The following MPDZ variants were observed in gnomAD, a reference collection of about 807,000 sequenced individuals.
MPDZ encodes multiple PDZ domain protein.
In MPDZ, 234 loss-of-function variants were observed where a neutral mutation model predicts 239.1. The ratio of observed to expected loss-of-function variants is 0.98; its 90% CI spans 0.88 to 1.09. The LOEUF is 1.09. Among genes scored for constraint, MPDZ ranks in the 50% least tolerant of loss-of-function variants. The probability of loss-of-function intolerance (pLI) is 0.00; values close to 1 mark genes in which losing one functional copy is unlikely to be tolerated. For synonymous variants in MPDZ, 1,048 were observed against 881.3 expected (o/e 1.19, Z -3.35); for missense variants, 3,175 against 2,510.0 (o/e 1.26, Z -5.66).
chr9:13,165,195 G>A (rs771804559), intron 22 of MPDZ, among the ~76,000 whole-genome samples: 3 of 152,098 alleles, frequency 2.0e-5, no homozygotes, highest in Non-Finnish European at 4.4e-5. Flanking sequence ...CAATCTCATA[G>A]CTCTGTTGGA....
At chr9:13,165,319 A>G in intron 22 of MPDZ, 1 of 1,532,852 alleles carries the variant, frequency 6.5e-7, no homozygotes. Context: ...TTTCACAGAC[A>G]AGTTGTAACA....
chr9:13,215,327 A>G (rs1433908154), intron 10 of MPDZ, among the ~76,000 whole-genome samples: 1 of 151,188 alleles, frequency 6.6e-6, no homozygotes, highest in Non-Finnish European at 1.5e-5. Flanking sequence ...ATTCTATTGG[A>G]TATATATATA....
intron 24 of MPDZ, among the ~76,000 whole-genome samples, chr9:13,151,352 T>G (rs1165271522): frequency 6.6e-6 from 1 of 152,066 alleles, no homozygotes; most frequent in Non-Finnish European, 1.5e-5. Flanking sequence ...AAAGAAATAT[T>G]TATACACCCA....
chr9:13,147,004 A>T (rs892279134), intron 26 of MPDZ, among the ~76,000 whole-genome samples: 4 of 152,160 alleles, frequency 2.6e-5, no homozygotes, highest in East Asian at 1.9e-4. Flanking sequence ...CTATACAGTG[A>T]TGTGGCTAGA....
At chr9:13,108,615 C>A (rs1941885279) in intron 46 of MPDZ, among the ~76,000 whole-genome samples, 1 of 151,862 alleles carries the variant, frequency 6.6e-6, no homozygotes, top group Non-Finnish European at 1.5e-5. Context: ...TTTAAAATGT[C>A]CCATTTTCAA....
intron 3 of MPDZ, among the ~76,000 whole-genome samples, chr9:13,244,270 A>G (rs1023078467): frequency 9.2e-5 from 14 of 152,186 alleles, no homozygotes; most frequent in Admixed American, 2.6e-4. Context: ...ACAAGTTTCT[A>G]TTATTAAACT....
chr9:13,269,901 C>T (rs1405060866), intron 1 of MPDZ, among the ~76,000 whole-genome samples: 1 of 152,150 alleles, frequency 6.6e-6, no homozygotes, highest in African/African-American at 2.4e-5. Flanking sequence ...CCTATCTGAA[C>T]ACGTACCTTA....
intron 24 of MPDZ, among the ~76,000 whole-genome samples, chr9:13,155,837 T>C (rs1216093255): frequency 6.6e-6 from 1 of 152,198 alleles, no homozygotes; most frequent in East Asian, 1.9e-4. Flanking sequence ...CCCCTAGAAG[T>C]AGCTTAGTGA....
intron 32 of MPDZ, among the ~76,000 whole-genome samples, chr9:13,131,783 T>C (rs1331956249): frequency 6.6e-6 from 1 of 152,154 alleles, no homozygotes; most frequent in African/African-American, 2.4e-5. Flanking sequence ...AAGTATTTCT[T>C]TCTGATAAAC....
chr9:13,208,224 G>C (rs568635323), intron 10 of MPDZ, among the ~76,000 whole-genome samples: 5 of 152,264 alleles, frequency 3.3e-5, no homozygotes, highest in Non-Finnish European at 7.4e-5. Context: ...CAGAAGGACT[G>C]CTTGAGCCCA....
intron 30 of MPDZ, among the ~76,000 whole-genome samples, 198 bp downstream of exon 30, chr9:13,136,514 G>A (rs1052539550): frequency 6.0e-5 from 9 of 151,260 alleles, no homozygotes; most frequent in South Asian, 4.2e-4. Flanking sequence ...TTTTAGTAGA[G>A]ACGGGATTTC....
Position 13,168,471 on chromosome 9 carries a change from A to C in MPDZ, c.3149T>G (p.Ile1050Ser). The C allele has an allele frequency of 6.2e-7, 1 of 1,613,556 alleles. No individual in the cohort carries two copies. The highest frequency in any genetic ancestry group is 1.1e-5 in the South Asian group (1 of 91,056). Residue 1050 changes from isoleucine to serine, a missense_variant, in exon 22 of 47, where the codon ATT becomes AGT. By Grantham distance (142) the Ile-to-Ser change is moderately radical (BLOSUM62 -2). Transcript: ENST00000319217. ...ATTAATGGACAAGATGCAGTCCCCAATGGCAATCCGGCCATCTCGACTAAT... is the reference window on the plus strand; with the variant it reads ...ATTAATGGACAAGATGCAGTCCCCACTGGCAATCCGGCCATCTCGACTAAT... The part of the protein sequence containing the change: ...GAISRDGRIA[I>S]GDCILSINEE...
At chr9:13,178,845 G>C (rs925630326) in intron 19 of MPDZ, among the ~76,000 whole-genome samples, 2 of 152,132 alleles carry the variant, frequency 1.3e-5, no homozygotes, top group Non-Finnish European at 2.9e-5. Context: ...AACCAAATTT[G>C]TCATTCTCTT....
At chr9:13,243,780 G>C (rs1965969852) in intron 3 of MPDZ, among the ~76,000 whole-genome samples, 1 of 152,138 alleles carries the variant, frequency 6.6e-6, no homozygotes, top group Middle Eastern at 3.2e-3. Context: ...TACGCATCTA[G>C]ATGATATATG....
chr9:13,158,098 T>C lies in MPDZ; in HGVS notation c.3372A>G (p.Glu1124=), dbSNP rs1156998001. 2 of 1,612,478 alleles carry C rather than the reference T, an allele frequency of 1.2e-6. No individual in the cohort carries two copies. The highest frequency in any genetic ancestry group is 2.7e-5 in the African/African-American group (2 of 74,892). The change falls in exon 24 of 47, where the codon GAA becomes GAG. Residue 1124 remains glutamate (E), a synonymous_variant. Transcript: ENST00000319217. ...FSSYTGRDIP[E]LPEREEGEGE... is the part of the protein sequence containing the mutation. ...CCTCTCCCTCTTCTCGCTCTGGTAA[T>C]TCTGGAATGTCTCTGGTTAAAGAAT...
Position 13,156,155 on chromosome 9 carries a change from A to C in MPDZ, c.3452+1863T>G, listed in dbSNP as rs1246104336. On this transcript the variant is annotated intron_variant, in intron 24 of 46. Transcript: ENST00000319217. The stretch of plus-strand genomic sequence containing the variant: ...GGCACTCTGCTAAGGATTTTAGATG[A>C]CACTGAATTTTCCCCCAAATTCAAA... Among the ~76,000 whole-genome samples, 3 of 152,206 alleles carry C rather than the reference A, an allele frequency of 2.0e-5. No individual in the cohort carries two copies. In the East Asian group the frequency reaches 5.8e-4, roughly 29 times the overall value.
At chr9:13,152,506 C>T (rs1949307572) in intron 24 of MPDZ, among the ~76,000 whole-genome samples, 1 of 152,012 alleles carries the variant, frequency 6.6e-6, no homozygotes, top group Non-Finnish European at 1.5e-5. Flanking sequence ...TGTCTGCCAC[C>T]ATGTGAGATG....
chr9:13,168,454 A>C lies in MPDZ; in HGVS notation c.3166T>G (p.Ser1056Ala). 1 of 1,613,544 alleles carries C rather than the reference A, an allele frequency of 6.2e-7. No individual in the cohort carries two copies. Among genetic ancestry groups the C allele is most frequent in the South Asian group, 1.1e-5 (1 of 91,050 alleles). The stretch of plus-strand genomic sequence containing the variant: ...CTGATGGTAGACTCTTCATTAATGG[A>C]CAAGATGCAGTCCCCAATGGCAATC... ...GRIAIGDCIL[S>A]INEESTISVT... Residue 1056 changes from serine to alanine, a missense_variant, in exon 22 of 47, where the codon TCC (serine) becomes GCC (alanine). Coordinates refer to ENST00000319217, the MANE Select transcript of MPDZ (RefSeq NM_001378778.1).
In MPDZ at chr9:13,138,713, T is replaced by C. The variant is rs796855850; in HGVS notation, c.4004-560A>G. Among the ~76,000 whole-genome samples, 8 of 152,308 alleles carry C rather than the reference T, an allele frequency of 5.3e-5. 1 individual carries two copies. The highest frequency in any genetic ancestry group is 1.9e-4 in the African/African-American group (8 of 41,572). On this transcript the variant is annotated intron_variant, in intron 28 of 46. Coordinates refer to ENST00000319217, the MANE Select transcript of MPDZ (RefSeq NM_001378778.1). ...CACGTCCTAATGAGATGAGACCATTTACATCTCCTACCCCACATCTTCAAG... is the reference window on the plus strand; with the variant it reads ...CACGTCCTAATGAGATGAGACCATTCACATCTCCTACCCCACATCTTCAAG...
Sources: allele counts gnomAD v4.1 joint callset (sites outside exome capture counted in the v4.1 genomes callset), GRCh38; gene constraint gnomAD v4.1.1; transcripts MANE v1.5; gene names NCBI Gene and HGNC (gene_info 2026-07-23, HGNC 2026-07-21).